Variants in HTR2B observed in about 807,000 individuals in gnomAD.
HTR2B encodes 5-HT 2B receptor.
Under a neutral mutation model 39.8 loss-of-function variants are expected in HTR2B, and 31 were observed. The ratio of observed to expected loss-of-function variants is 0.78; its 90% CI spans 0.58 to 1.05. The LOEUF (loss-of-function observed/expected upper bound fraction) is 1.05, where lower values mean the gene tolerates loss of function less well. Among genes scored for constraint, HTR2B ranks in the 50% least tolerant of loss-of-function variants. The pLI is 0.00. For synonymous variants in HTR2B, 210 were observed against 207.1 expected (o/e 1.01, Z -0.12); for missense variants, 562 against 578.0 (o/e 0.97, Z 0.28).
At chr2:231,111,885 T>C (rs77593924) in intron 3 of HTR2B, among the ~76,000 whole-genome samples, 1 of 152,236 alleles carries the variant, frequency 6.6e-6, no homozygotes, top group Admixed American at 6.5e-5. Flanking sequence ...TTTGTTTATA[T>C]GTCCGCCTTT....
intron 2 of HTR2B, among the ~76,000 whole-genome samples, chr2:231,119,875 A>C (rs1695472386): frequency 6.6e-6 from 1 of 151,328 alleles, no homozygotes; most frequent in African/African-American, 2.4e-5. Context: ...GTCTCAAAAA[A>C]AAAAAAAAAA....
Position 231,109,370 on chromosome 2 carries a change from T to C in HTR2B, c.593A>G (p.Asp198Gly), listed in dbSNP as rs750783162. 5.6e-6 allele frequency: 9 copies of C among 1,614,134 alleles called. No individual in the cohort carries two copies. Among genetic ancestry groups the C allele is most frequent in the Non-Finnish European group, 7.6e-6 (9 of 1,179,994 alleles). ...AGTGATATTGTTTGGGTTGTCCACATCAGTCTCTATCCCTTTAATAGGGAC... is the reference window on the plus strand; with the variant it reads ...AGTGATATTGTTTGGGTTGTCCACACCAGTCTCTATCCCTTTAATAGGGAC... ...IPVPIKGIETDVDNPNNITCV... is the reference protein window; with the variant it reads ...IPVPIKGIETGVDNPNNITCV... Residue 198 changes from aspartate (D) to glycine (G), a missense_variant, in exon 4 of 4, where the codon GAT (aspartate) becomes GGT (glycine). Coordinates refer to ENST00000258400, the MANE Select transcript of HTR2B (RefSeq NM_000867.5).
rs1403190737 is a variant in HTR2B at position 231,119,363 on chromosome 2, A to G, written c.352+4050T>C. Among the ~76,000 whole-genome samples the G allele has an allele frequency of 2.0e-5, 3 of 152,302 alleles. No homozygotes were observed. The East Asian group carries it at 5.8e-4, about 29-fold the overall frequency. ...ACCAGTTACTATTAGTGCTTATAAGATGCTGGGCCCTGCTTGACAAGGTGA... is the reference window on the plus strand; with the variant it reads ...ACCAGTTACTATTAGTGCTTATAAGGTGCTGGGCCCTGCTTGACAAGGTGA... On this transcript the variant is annotated intron_variant, in intron 2 of 3. Transcript: ENST00000258400.
Position 231,123,809 on chromosome 2 carries a change from C to A in HTR2B, c.-45G>T. The A allele has an allele frequency of 1.4e-6, 2 of 1,402,816 alleles. No homozygotes were observed. The highest frequency in any genetic ancestry group is 2.0e-6 in the Non-Finnish European group (2 of 988,068). The allele number at this position is 1,402,816 out of a possible 1,614,324, so 86.9% of individuals were successfully genotyped here. ...CAATCCCGTTCCGAACAGTGGTCAGCATGGTTAGTAGCTAAGCTGCTCATC... is the reference window on the plus strand; with the variant it reads ...CAATCCCGTTCCGAACAGTGGTCAGAATGGTTAGTAGCTAAGCTGCTCATC... On this transcript the variant is annotated 5_prime_UTR_variant, in exon 2 of 4. An upstream start codon of the reference 5' UTR is lost. Coordinates refer to ENST00000258400, the MANE Select transcript of HTR2B (RefSeq NM_000867.5).
chr2:231,108,757 T>C lies in HTR2B; in HGVS notation c.1206A>G (p.Thr402=), dbSNP rs1695047982. The change falls in exon 4 of 4, where the codon ACA becomes ACG. Residue 402 remains threonine (T), a synonymous_variant. Coordinates refer to ENST00000258400, the MANE Select transcript of HTR2B (RefSeq NM_000867.5). The stretch of plus-strand genomic sequence containing the variant: ...GTTTTCTGAGAGTTTTTACTGACTT[T>C]GTGGCCCGGTAATTGCAGGTGATAT... The part of the protein sequence containing the change: ...GRYITCNYRA[T]KSVKTLRKRS... 1 of 1,614,196 alleles carries C rather than the reference T, an allele frequency of 6.2e-7. No homozygotes were observed. The highest frequency in any genetic ancestry group is 8.5e-7 in the Non-Finnish European group (1 of 1,180,030).
At chr2:231,112,358 C>CT (rs1695182476) in intron 3 of HTR2B, among the ~76,000 whole-genome samples, 1 of 152,220 alleles carries the variant, frequency 6.6e-6, no homozygotes, top group African/African-American at 2.4e-5. Flanking sequence ...CTCATCTAGC[C>CT]TTTTCTCACT....
In HTR2B at chr2:231,108,313, C is replaced by T; in HGVS notation, c.*204G>A. The stretch of plus-strand genomic sequence containing the variant: ...TTTAACCAGAGTGCTGGATTGTTTT[C>T]ATTTGTAGCTATATAAAATTATTTT... On this transcript the variant is annotated 3_prime_UTR_variant, in exon 4 of 4. Transcript: ENST00000258400. The T allele has an allele frequency of 1.9e-6, 1 of 527,278 alleles. No homozygotes were observed. Among genetic ancestry groups the T allele is most frequent in the South Asian group, 2.6e-5 (1 of 38,638 alleles). 32.7% of individuals were successfully genotyped at this position (527,278 alleles called of 1,614,324 possible). A position where few individuals can be genotyped will look rare whatever the true frequency, so the allele number is the denominator to read the frequency against.
intron 3 of HTR2B, 83 bp from the exon 4 acceptor site, chr2:231,109,492 T>C (rs1695084081): frequency 8.4e-7 from 1 of 1,196,540 alleles, no homozygotes; most frequent in Non-Finnish European, 1.2e-6. Flanking sequence ...TGTATCCTTA[T>C]AACTTTATGC....
intron 2 of HTR2B, among the ~76,000 whole-genome samples, chr2:231,119,915 C>A (rs1695476769): frequency 6.7e-6 from 1 of 148,268 alleles, no homozygotes; most frequent in African/African-American, 2.5e-5. Flanking sequence ...CAATAACACC[C>A]AATGGATGGC....
chr2:231,121,114 T>C (rs576811890), intron 2 of HTR2B, among the ~76,000 whole-genome samples: 152 of 152,360 alleles, frequency 1.0e-3, no homozygotes, highest in African/African-American at 3.5e-3. Context: ...TGCAATAATG[T>C]ATTAGATAGT....
chr2:231,118,278 TCAAC>T, intron 2 of HTR2B, among the ~76,000 whole-genome samples: 1 of 152,232 alleles, frequency 6.6e-6, no homozygotes, highest in South Asian at 2.1e-4. Flanking sequence ...GCCAACTAAC[TCAAC>T]CATGAAAACA....
intron 3 of HTR2B, among the ~76,000 whole-genome samples, chr2:231,113,418 G>A (rs550973440): frequency 3.3e-5 from 5 of 152,284 alleles, no homozygotes; most frequent in African/African-American, 9.6e-5. Flanking sequence ...TATCTGTTGG[G>A]AAATATGAAG....
At chr2:231,113,706 A>G (rs774316509) in intron 3 of HTR2B, 23 bp downstream of exon 3, 5 of 1,600,880 alleles carry the variant, frequency 3.1e-6, no homozygotes, top group Middle Eastern at 1.8e-4. Context: ...TATACCACCC[A>G]CACTCTGGCA....
chr2:231,122,468 A>G (rs1695579075), intron 2 of HTR2B, among the ~76,000 whole-genome samples: 1 of 152,160 alleles, frequency 6.6e-6, no homozygotes, highest in Non-Finnish European at 1.5e-5. Context: ...AAGAAACTAT[A>G]TCTGCCACAA....
At chr2:231,117,609 T>C (rs553916349) in intron 2 of HTR2B, among the ~76,000 whole-genome samples, 4 of 152,270 alleles carry the variant, frequency 2.6e-5, no homozygotes, top group African/African-American at 9.6e-5. Context: ...TTGTTTAAAA[T>C]GAAGACTGCT....
intron 2 of HTR2B, among the ~76,000 whole-genome samples, chr2:231,119,113 C>T (rs897955797): frequency 3.9e-5 from 6 of 152,172 alleles, no homozygotes; most frequent in African/African-American, 1.4e-4. Context: ...ATGTTTTAAG[C>T]ATTTTAATGC....
intron 2 of HTR2B, among the ~76,000 whole-genome samples, chr2:231,121,868 A>G (rs577035477): frequency 2.0e-4 from 31 of 152,306 alleles, no homozygotes; most frequent in African/African-American, 6.7e-4. Context: ...AAGCATTTTG[A>G]CATTTTCTGT....
Position 231,119,917 on chromosome 2 carries a change from A to G in HTR2B, c.352+3496T>C, listed in dbSNP as rs111641274. Among the ~76,000 whole-genome samples the G allele has an allele frequency of 1.7e-4, 26 of 150,828 alleles. No individual in the cohort carries two copies. In the East Asian group the frequency reaches 2.0e-3, roughly 11 times the overall value. ...CTTATAAATAAACCAATAACACCCAATGGATGGCCAGATGCCATATCTTCC... is the reference window on the plus strand; with the variant it reads ...CTTATAAATAAACCAATAACACCCAGTGGATGGCCAGATGCCATATCTTCC... On this transcript the variant is annotated intron_variant, in intron 2 of 3. Transcript: ENST00000258400.
At chr2:231,110,312 T>C (rs1302216364) in intron 3 of HTR2B, among the ~76,000 whole-genome samples, 1 of 152,060 alleles carries the variant, frequency 6.6e-6, no homozygotes, top group Non-Finnish European at 1.5e-5. Context: ...AAAGTAAGAC[T>C]CTGTCTCAAA....
Sources: gnomAD v4.1 joint callset for allele counts (sites outside exome capture counted in the v4.1 genomes callset) on GRCh38, gnomAD v4.1.1 for gene constraint, MANE v1.5 for transcripts, NCBI Gene and HGNC (gene_info 2026-07-23, HGNC 2026-07-21) for gene names.